Variants in PHACTR2 observed in about 807,000 individuals in gnomAD.
The protein encoded by PHACTR2 is chromosome 6 open reading frame 56.
PHACTR2 carries 30 observed loss-of-function variants against 76.0 expected under a neutral mutation model. That is an observed-to-expected ratio of 0.39 (90% CI 0.30 to 0.54). The LOEUF is 0.54. Among genes scored for constraint, PHACTR2 ranks in the 20% least tolerant of loss-of-function variants. The pLI, the probability that PHACTR2 is intolerant of heterozygous loss-of-function variation, is 0.61. For synonymous variants in PHACTR2, 292 were observed against 292.5 expected, an observed-to-expected ratio of 1.00 and a Z score of 0.02; for missense variants, 696 against 781.1, an observed-to-expected ratio of 0.89 and a Z score of 1.30.
rs752120960 is a variant in PHACTR2, at chr6:143,658,223, G to C, written c.13+49901G>C. Among the ~76,000 whole-genome samples, 1 of 152,198 alleles carries C rather than the reference G, an allele frequency of 6.6e-6. No homozygotes were observed. The highest frequency in any genetic ancestry group is 6.5e-5 in the Admixed American group (1 of 15,284). On this transcript the variant is annotated intron_variant, in intron 1 of 11. Transcript: ENST00000305766. The surrounding 1 kb of genome is among the most constrained non-coding windows in gnomAD (Gnocchi z 4.1). ...TACAGAAACTGCCAGACTAACCTGA[G>C]CTTCAACAACAAATGTGATTTTAAA... is the stretch of plus-strand genomic sequence containing the variant.
In PHACTR2 at chr6:143,571,355, T is replaced by C. The variant is rs1462206592; in HGVS notation, c.217+34148T>C. ...CTATTTATTCATTCAGTTATTTATT[T>C]GTATTAGTGTGGTCTCATGGATATT... On this transcript the variant is annotated intron_variant, in intron 1 of 11. Transcript: ENST00000367584. The surrounding 1 kb of genome is among the most constrained non-coding windows in gnomAD (Gnocchi z 4.6). Among the ~76,000 whole-genome samples, 1 of 152,232 alleles carries C rather than the reference T, an allele frequency of 6.6e-6. No homozygotes were observed. Among genetic ancestry groups the C allele is most frequent in the African/African-American group, 2.4e-5 (1 of 41,450 alleles).
At chr6:143,542,990 G>T (rs1440871093) in intron 1 of PHACTR2, among the ~76,000 whole-genome samples, 1 of 152,210 alleles carries the variant, frequency 6.6e-6, no homozygotes, top group African/African-American at 2.4e-5. Flanking sequence ...GCCAGGTACT[G>T]TTCCAGGCAC....
intron 2 of PHACTR2, among the ~76,000 whole-genome samples, chr6:143,719,323 G>A (rs960822330): frequency 1.3e-4 from 20 of 149,550 alleles, no homozygotes; most frequent in Non-Finnish European, 2.8e-4. Flanking sequence ...ATCCACAGAG[G>A]GCTTCTTGCT....
chr6:143,791,965 A>T lies in PHACTR2; in HGVS notation c.1845+3055A>T, dbSNP rs892972160. Among the ~76,000 whole-genome samples the T allele has an allele frequency of 1.3e-5, 2 of 152,120 alleles. No individual in the cohort carries two copies. The highest frequency in any genetic ancestry group is 4.8e-5 in the African/African-American group (2 of 41,414). Reference sequence around the variant, plus strand: ...TCCCTGCCTATCCCCTTACTTACTAAGCACCAGCTTGCAATTTTTTGTTTG... The same window carrying T: ...TCCCTGCCTATCCCCTTACTTACTATGCACCAGCTTGCAATTTTTTGTTTG... On this transcript the variant is annotated intron_variant, in intron 11 of 12. Transcript: ENST00000440869. This position sits in a 1 kb window ranked among gnomAD's most constrained non-coding sequence, Gnocchi z 4.7.
chr6:143,698,988 CA>C lies in PHACTR2; in HGVS notation c.47-13027del, dbSNP rs986182318. Among the ~76,000 whole-genome samples the C allele has an allele frequency of 2.6e-5, 4 of 152,184 alleles. No homozygotes were observed. The highest frequency in any genetic ancestry group is 7.2e-5 in the African/African-American group (3 of 41,438). On this transcript the variant is annotated intron_variant, in intron 1 of 12. Coordinates refer to ENST00000440869, the MANE Select transcript of PHACTR2 (RefSeq NM_001100164.2). This position sits in a 1 kb window ranked among gnomAD's most constrained non-coding sequence, Gnocchi z 4.3. ...CTGTTGTCCTTTACCTCTCCTATCA[CA>C]GGGGGCGCTGACATTGCATCAACTC... is the stretch of plus-strand genomic sequence containing the variant.
chr6:143,664,032 A>G lies in PHACTR2; in HGVS notation c.14-47984A>G, dbSNP rs1041956440. Among the ~76,000 whole-genome samples the G allele has an allele frequency of 9.2e-5, 14 of 152,102 alleles. No individual in the cohort carries two copies. The highest frequency in any genetic ancestry group is 3.4e-4 in the African/African-American group (14 of 41,448). ...CTTATTATTGTGGATCTGTCCGTTT[A>G]TCATTGTAATTCTGTTAGTTTTTGC... is the stretch of plus-strand genomic sequence containing the variant. On this transcript the variant is annotated intron_variant, in intron 1 of 11. Transcript: ENST00000305766. The surrounding 1 kb of genome is among the most constrained non-coding windows in gnomAD (Gnocchi z 5.1).
chr6:143,606,262 A>AAAC (rs10680472), upstream of PHACTR2, among the ~76,000 whole-genome samples: 113,401 of 151,786 alleles, frequency 0.75, 42,656 homozygotes, highest in Middle Eastern at 0.81. Flanking sequence ...AACTTACAAA[A>AAAC]AACAATATTT....
chr6:143,575,765 C>A (rs1157606668), intron 1 of PHACTR2, among the ~76,000 whole-genome samples: 9 of 151,878 alleles, frequency 5.9e-5, no homozygotes, highest in African/African-American at 1.9e-4. Context: ...CATTTTAAAA[C>A]CTTTATTGAA....
At position 143,753,765 on chromosome 6, in the gene PHACTR2, A is replaced by G; in HGVS notation, c.307A>G (p.Thr103Ala). ...KELPDQDGDV[T>A]VNFENSNGHM... ...CTTTCCCATTTTAGATGGAGATGTA[A>G]CAGTTAACTTTGAAAATTCAAACGG... The change falls in exon 4 of 13, where the codon ACA (threonine) becomes GCA (alanine). Residue 103 changes from threonine (T) to alanine (A), a missense_variant. Physicochemically the swap from Thr to Ala is moderately conservative, Grantham distance 58 (BLOSUM62 0). Around this residue, in one of 2 missense-constraint regions of PHACTR2, gnomAD observed 460 missense variants for 450.9 expected, o/e 1.02. Coordinates refer to ENST00000440869, the MANE Select transcript of PHACTR2 (RefSeq NM_001100164.2). The surrounding 1 kb of genome is among the most constrained non-coding windows in gnomAD (Gnocchi z 4.6). The G allele has an allele frequency of 1.3e-6, 2 of 1,596,332 alleles. No homozygotes were observed. The highest frequency in any genetic ancestry group is 1.4e-5 in the African/African-American group (1 of 73,908).
rs180821660 is a variant in PHACTR2, at chr6:143,689,155, C to T, written c.46+10946C>T. On this transcript the variant is annotated intron_variant, in intron 1 of 12. Transcript: ENST00000440869. This position sits in a 1 kb window ranked among gnomAD's most constrained non-coding sequence, Gnocchi z 4.4. ...TTGTTTCGGCTGGATCCTTGTGCTTCATAGAGACCTTCCCTGCCTACCCCT... is the reference window on the plus strand; with the variant it reads ...TTGTTTCGGCTGGATCCTTGTGCTTTATAGAGACCTTCCCTGCCTACCCCT... 5.9e-5 allele frequency among the ~76,000 whole-genome samples: 9 copies of T among 152,334 alleles called. No individual in the cohort carries two copies. In the East Asian group the frequency reaches 1.7e-3, roughly 29 times the overall value.
chr6:143,542,388 C>A (rs907197210), intron 1 of PHACTR2, among the ~76,000 whole-genome samples: 2 of 152,152 alleles, frequency 1.3e-5, no homozygotes, highest in African/African-American at 4.8e-5. Flanking sequence ...CAGAGCTTGG[C>A]ACATTTGAAA....
At chr6:143,560,882 GGTGTGTGTGTGTGTGT>G (rs36070460) in intron 1 of PHACTR2, among the ~76,000 whole-genome samples, 6 of 133,094 alleles carry the variant, frequency 4.5e-5, no homozygotes, top group East Asian at 2.2e-4. Context: ...AAAGCAGAGG[GGTGTGTGTGTGTGTGT>G]GTGTGTGTGT....
At chr6:143,545,143 C>G (rs1233933549) in intron 1 of PHACTR2, among the ~76,000 whole-genome samples, 1 of 152,126 alleles carries the variant, frequency 6.6e-6, no homozygotes, top group East Asian at 1.9e-4. Context: ...TGGGGTTTCA[C>G]TATGTTGGCC....
In PHACTR2 at chr6:143,611,284, C is replaced by T. The variant is rs988408394; in HGVS notation, c.13+2962C>T. On this transcript the variant is annotated intron_variant, in intron 1 of 11. Transcript: ENST00000305766. This position sits in a 1 kb window ranked among gnomAD's most constrained non-coding sequence, Gnocchi z 4.4. ...GAGGGGAGGTGGCAGCTGCTGAGAG[C>T]CCCTGCGCCTTCACCGTGCATTCTA... Among the ~76,000 whole-genome samples, 1 of 152,126 alleles carries T rather than the reference C, an allele frequency of 6.6e-6. No homozygotes were observed. The highest frequency in any genetic ancestry group is 1.5e-5 in the Non-Finnish European group (1 of 68,004).
Position 143,547,652 on chromosome 6 carries a change from A to G in PHACTR2, c.217+10445A>G, listed in dbSNP as rs764548851. Among the ~76,000 whole-genome samples, 6 of 152,240 alleles carry G rather than the reference A, an allele frequency of 3.9e-5. No individual in the cohort carries two copies. Among genetic ancestry groups the G allele is most frequent in the African/African-American group, 1.2e-4 (5 of 41,464 alleles). ...GTTTGAACAAAATGAACAAATTTCT[A>G]TAGTTAGCAATAGAGACTCCCTTCT... On this transcript the variant is annotated intron_variant, in intron 1 of 11. Coordinates refer to the PHACTR2 transcript ENST00000367584. The surrounding 1 kb of genome is among the most constrained non-coding windows in gnomAD (Gnocchi z 4.2).
In PHACTR2 at chr6:143,784,639, T is replaced by G. The variant is rs1184131693; in HGVS notation, c.1707+1359T>G. 6.6e-6 allele frequency among the ~76,000 whole-genome samples: 1 copy of G among 152,178 alleles called. No homozygotes were observed. The highest frequency in any genetic ancestry group is 1.9e-4 in the East Asian group (1 of 5,194). The stretch of plus-strand genomic sequence containing the variant: ...AGGAAAAACATCCTTAATTTATCCA[T>G]TGTATTAGTCCATTTTCACACTGCT... On this transcript the variant is annotated intron_variant, in intron 10 of 12. Transcript: ENST00000440869. The surrounding 1 kb of genome is among the most constrained non-coding windows in gnomAD (Gnocchi z 4.5).
chr6:143,581,688 G>A lies in PHACTR2; in HGVS notation c.217+44481G>A, dbSNP rs1775576118. Reference sequence around the variant, plus strand: ...CTACCAAAAAATACGAACATTAGCTGGACATGGTGGTGGGTGCCTGTAATC... The same window carrying A: ...CTACCAAAAAATACGAACATTAGCTAGACATGGTGGTGGGTGCCTGTAATC... On this transcript the variant is annotated intron_variant, in intron 1 of 11. Transcript: ENST00000367584. The surrounding 1 kb of genome is among the most constrained non-coding windows in gnomAD (Gnocchi z 4.5). Among the ~76,000 whole-genome samples the A allele has an allele frequency of 6.6e-6, 1 of 152,058 alleles. No individual in the cohort carries two copies. Among genetic ancestry groups the A allele is most frequent in the Non-Finnish European group, 1.5e-5 (1 of 67,998 alleles).
At chr6:143,559,987 AG>A (rs1775242763) in intron 1 of PHACTR2, among the ~76,000 whole-genome samples, 1 of 152,126 alleles carries the variant, frequency 6.6e-6, no homozygotes, top group South Asian at 2.1e-4. Flanking sequence ...CTGGGATTAC[AG>A]GTGTGAGCCA....
rs1777788022 is a variant in PHACTR2 at position 143,696,958 on chromosome 6, A to T, written c.47-15058A>T. Among the ~76,000 whole-genome samples, 1 of 152,158 alleles carries T rather than the reference A, an allele frequency of 6.6e-6. No homozygotes were observed. The highest frequency in any genetic ancestry group is 2.1e-4 in the South Asian group (1 of 4,832). Reference sequence around the variant, plus strand: ...TGCTGGCTGCCAGTCTTAAAGAATGATTCCTCGTCATTGAACATGTTACAT... The same window carrying T: ...TGCTGGCTGCCAGTCTTAAAGAATGTTTCCTCGTCATTGAACATGTTACAT... On this transcript the variant is annotated intron_variant, in intron 1 of 12. Coordinates refer to ENST00000440869, the MANE Select transcript of PHACTR2 (RefSeq NM_001100164.2). The surrounding 1 kb of genome is among the most constrained non-coding windows in gnomAD (Gnocchi z 4.1).
Sources: gnomAD v4.1 joint callset for allele counts (sites outside exome capture counted in the v4.1 genomes callset) on GRCh38, gnomAD v4.1.1 for gene constraint, gnomAD v4.1.1 regional missense constraint, Gnocchi (gnomAD v3.1) non-coding constraint, MANE v1.5 for transcripts, NCBI Gene and HGNC (gene_info 2026-07-23, HGNC 2026-07-21) for gene names.